The following AVIL variants were observed in gnomAD, a reference collection of about 807,000 sequenced individuals.
The protein encoded by AVIL is advillin.
In AVIL, 78 loss-of-function variants were observed where a neutral mutation model predicts 109.9. That is an observed-to-expected ratio of 0.71 (90% CI 0.59 to 0.86). The LOEUF is 0.86. Among genes scored for constraint, AVIL ranks in the 40% least tolerant of loss-of-function variants. The probability of loss-of-function intolerance (pLI) is 0.00; values close to 1 mark genes in which losing one functional copy is unlikely to be tolerated. For missense variants in AVIL, 892 were observed against 1,016.5 expected, an observed-to-expected ratio of 0.88 and a Z score of 1.67; for synonymous variants, 367 against 379.1, an observed-to-expected ratio of 0.97 and a Z score of 0.37.
intron 14 of AVIL, chr12:57,803,975 T>G (rs946657723): frequency 3.0e-5 from 8 of 265,618 alleles, no homozygotes; most frequent in Non-Finnish European, 5.7e-5. Context: ...AATTTAAATT[T>G]ATTTTTAAAA....
At chr12:57,798,291 TACAG>T (rs1189998973) in intron 19 of AVIL, among the ~76,000 whole-genome samples, 1 of 152,214 alleles carries the variant, frequency 6.6e-6, no homozygotes, top group Non-Finnish European at 1.5e-5. Context: ...AAGGATGAAT[TACAG>T]ACATCAAATT....
intron 17 of AVIL, 122 bp downstream of exon 17, chr12:57,802,038 G>T: frequency 9.0e-7 from 1 of 1,113,602 alleles, no homozygotes; most frequent in Non-Finnish European, 1.3e-6. Flanking sequence ...GGAGTGGGAT[G>T]GGAGTAGGGA....
chr12:57,806,654 T>G, intron 13 of AVIL, 115 bp from the exon 14 acceptor site: 1 of 1,183,850 alleles, frequency 8.4e-7, no homozygotes, highest in Non-Finnish European at 1.2e-6. Context: ...TTGAGGAGCT[T>G]CTAGACTCAC....
At position 57,808,513 on chromosome 12, in the gene AVIL, G is replaced by T. The variant is rs1053971054; in HGVS notation, c.975C>A (p.Thr325=). The T allele has an allele frequency of 2.5e-6, 4 of 1,614,010 alleles. No individual in the cohort carries two copies. The highest frequency in any genetic ancestry group is 3.4e-6 in the Non-Finnish European group (4 of 1,180,042). ...FIKMKSYPSS[T]NVETVNDGAE... is the part of the protein sequence containing the mutation. ...CACCATCGTTGACGGTCTCCACATT[G>T]GTGCTGCTGGGGTAGCTCTTCATCT... The change falls in exon 10 of 20, where the codon ACC becomes ACA. Residue 325 remains threonine, a synonymous_variant. Transcript: ENST00000549994.
chr12:57,798,083 C>A, intron 19 of AVIL, 88 bp from the exon 20 acceptor site: 2 of 830,676 alleles, frequency 2.4e-6, no homozygotes, highest in African/African-American at 1.7e-5. Flanking sequence ...AGAGGGAGTT[C>A]TAGGTGGATC....
intron 3 of AVIL, 67 bp from the exon 4 acceptor site, chr12:57,813,490 A>G (rs760896057): frequency 6.8e-7 from 1 of 1,473,668 alleles, no homozygotes; most frequent in Non-Finnish European, 9.3e-7. Context: ...GGCCCCTGTT[A>G]TGGGGAGAAT....
intron 4 of AVIL, among the ~76,000 whole-genome samples, chr12:57,812,517 A>G (rs534921971): frequency 6.6e-6 from 1 of 152,236 alleles, no homozygotes; most frequent in East Asian, 1.9e-4. Context: ...GTGCACCAGC[A>G]TGCCCGGCTA....
Position 57,811,100 on chromosome 12 carries a change from C to A in AVIL, c.366G>T (p.Gly122=), listed in dbSNP as rs753358581. The change falls in exon 5 of 20, where the codon GGG becomes GGT. Residue 122 remains glycine, a synonymous_variant. Coordinates refer to ENST00000549994, the MANE Select transcript of AVIL (RefSeq NM_006576.4). ...IIYKQGGVAS[G]MKHVETNTYD... ...AGGTATTGGTCTCCACGTGCTTCAT[C>A]CCAGAGGCGACACCCCCCTGCTTGT... 1 of 1,614,032 alleles carries A rather than the reference C, an allele frequency of 6.2e-7. No homozygotes were observed. The highest frequency in any genetic ancestry group is 8.5e-7 in the Non-Finnish European group (1 of 1,180,024).
chr12:57,805,004 G>T (rs1312994687), intron 14 of AVIL, among the ~76,000 whole-genome samples: 1 of 152,108 alleles, frequency 6.6e-6, no homozygotes, highest in African/African-American at 2.4e-5. Flanking sequence ...TCTCCCTAGT[G>T]ACTAATGATG....
chr12:57,806,171 C>G (rs1310811753), intron 14 of AVIL, 189 bp downstream of exon 14: 4 of 277,100 alleles, frequency 1.4e-5, no homozygotes, highest in Non-Finnish European at 2.7e-5. Context: ...TCAAACGCTT[C>G]ATGAATTTGC....
chr12:57,812,876 T>C (rs775730540), intron 4 of AVIL, among the ~76,000 whole-genome samples: 1 of 152,216 alleles, frequency 6.6e-6, no homozygotes, highest in Non-Finnish European at 1.5e-5. Context: ...ACATCATTAA[T>C]GAGGCTGCTA....
rs1367783270 is a variant in AVIL, at chr12:57,799,894, C to T, written c.2247G>A (p.Leu749=). The stretch of plus-strand genomic sequence containing the variant: ...ATTTTGGCTCACTGTCATTAGAATT[C>T]AGGGAGAGGGTTGCATTCTTCATGT... ...TADMKNATLS[L]NSNDSEPKYY... The change falls in exon 19 of 20, where the codon CTG becomes CTA. Residue 749 remains leucine, a synonymous_variant. Transcript: ENST00000549994. The T allele has an allele frequency of 6.2e-7, 1 of 1,614,148 alleles. No homozygotes were observed. Among genetic ancestry groups the T allele is most frequent in the East Asian group, 2.2e-5 (1 of 44,876 alleles).
chr12:57,802,590 C>T (rs1379837899), intron 16 of AVIL: 2 of 709,296 alleles, frequency 2.8e-6, no homozygotes, highest in Non-Finnish European at 5.1e-6. Flanking sequence ...CTCTGAACTT[C>T]AGCTTCCTGA....
At chr12:57,810,294 G>A (rs1956017793) in intron 7 of AVIL, 55 bp downstream of exon 7, 1 of 1,588,490 alleles carries the variant, frequency 6.3e-7, no homozygotes. Context: ...GGTGTTCTAG[G>A]GGACACCTTC....
chr12:57,804,558 T>A (rs1955912295), intron 14 of AVIL: 1 of 152,262 alleles, frequency 6.6e-6, no homozygotes, highest in Non-Finnish European at 1.5e-5. Context: ...CCTACTGTAA[T>A]CCCAGCACTT....
chr12:57,814,319 T>G (rs1595176535), intron 2 of AVIL, 93 bp from the exon 3 acceptor site: 1 of 1,289,156 alleles, frequency 7.8e-7, no homozygotes. Context: ...GTGCAGGTGG[T>G]GGGGAGAAGG....
chr12:57,803,201 C>T (rs746790888), intron 16 of AVIL, 46 bp downstream of exon 16: 2 of 1,611,638 alleles, frequency 1.2e-6, no homozygotes, highest in Non-Finnish European at 1.7e-6. Context: ...ACAACCCTTA[C>T]TGTGGGAGTC....
rs753786374 is a variant in AVIL at position 57,814,162 on chromosome 12, A to C, written c.131T>G (p.Val44Gly). Residue 44 changes from valine (V) to glycine (G), a missense_variant, in exon 3 of 20, where the codon GTC (valine) becomes GGC (glycine). By Grantham distance (109) the Val-to-Gly change is moderately radical. Coordinates refer to ENST00000549994, the MANE Select transcript of AVIL (RefSeq NM_006576.4). ...HGNFYEGDCY[V>G]ILSTRRVASL... ...GAGGAGGGTGCTCACCGAGAGGATGACGTAGCAGTCCCCCTCATAGAAGTT... is the reference window on the plus strand; with the variant it reads ...GAGGAGGGTGCTCACCGAGAGGATGCCGTAGCAGTCCCCCTCATAGAAGTT... 1 of 1,613,072 alleles carries C rather than the reference A, an allele frequency of 6.2e-7. No individual in the cohort carries two copies.
At chr12:57,813,498 A>G (rs966659181) in intron 3 of AVIL, 75 bp from the exon 4 acceptor site, 8 of 1,426,966 alleles carry the variant, frequency 5.6e-6, no homozygotes, top group Non-Finnish European at 7.7e-6. Flanking sequence ...TTATGGGGAG[A>G]ATGCAGCACA....
Sources: gnomAD v4.1 joint callset for allele counts (sites outside exome capture counted in the v4.1 genomes callset) on GRCh38, gnomAD v4.1.1 for gene constraint, MANE v1.5 for transcripts, NCBI Gene and HGNC (gene_info 2026-07-23, HGNC 2026-07-21) for gene names.